Variants in ZNF423 observed in about 807,000 individuals in gnomAD.
ZNF423 encodes the protein Ebf-associated zinc finger protein.
ZNF423 carries 12 observed loss-of-function variants against 95.8 expected under a neutral mutation model. The ratio of observed to expected loss-of-function variants is 0.13; its 90% CI spans 0.08 to 0.20. ZNF423 has a LOEUF of 0.20. ZNF423 is among the 10% of genes least tolerant of loss of function. The pLI is 1.00. For missense variants in ZNF423, 1,316 were observed against 1,737.1 expected, an observed-to-expected ratio of 0.76 and a Z score of 4.31; for synonymous variants, 749 against 711.9, an observed-to-expected ratio of 1.05 and a Z score of -0.83.
intron 1 of ZNF423, among the ~76,000 whole-genome samples, chr16:49,832,631 C>T (rs945389882): frequency 1.1e-4 from 16 of 152,176 alleles, no homozygotes; most frequent in African/African-American, 3.6e-4. Context: ...GAACAGAGCA[C>T]CCGAGGGGCC....
At chr16:49,631,249 C>T (rs538810209) in intron 4 of ZNF423, among the ~76,000 whole-genome samples, 7 of 152,276 alleles carry the variant, frequency 4.6e-5, no homozygotes, top group Admixed American at 4.6e-4. Context: ...GACCCATCCC[C>T]ACACGTACCA....
intron 5 of ZNF423, among the ~76,000 whole-genome samples, chr16:49,623,326 T>C (rs1402958772): frequency 6.6e-6 from 1 of 152,164 alleles, no homozygotes; most frequent in Non-Finnish European, 1.5e-5. Context: ...CAGGCCCAAA[T>C]GCCCCTCACA....
intron 3 of ZNF423, among the ~76,000 whole-genome samples, chr16:49,646,634 G>A (rs1160379101): frequency 7.5e-5 from 11 of 147,502 alleles, no homozygotes; most frequent in South Asian, 2.1e-4. Flanking sequence ...GCAGTGGCAC[G>A]ATCTTGGCTT....
At chr16:49,531,908 T>C (rs931750486) in intron 5 of ZNF423, among the ~76,000 whole-genome samples, 2 of 152,134 alleles carry the variant, frequency 1.3e-5, no homozygotes, top group South Asian at 4.2e-4. Context: ...GTCTCAGGCC[T>C]GCCCCAGAGC....
chr16:49,758,263 C>G (rs548751075), intron 2 of ZNF423, among the ~76,000 whole-genome samples: 2 of 152,152 alleles, frequency 1.3e-5, no homozygotes, highest in Non-Finnish European at 2.9e-5. Flanking sequence ...CTCGGCCTCC[C>G]GAGTAGCTGG....
intron 3 of ZNF423, among the ~76,000 whole-genome samples, chr16:49,655,992 G>A (rs1438003105): frequency 6.6e-6 from 1 of 152,164 alleles, no homozygotes; most frequent in African/African-American, 2.4e-5. Context: ...CCAAGTGTCT[G>A]TCCCACCTCC....
chr16:49,521,511 G>A (rs186238476), intron 7 of ZNF423, among the ~76,000 whole-genome samples: 2 of 152,274 alleles, frequency 1.3e-5, no homozygotes, highest in Admixed American at 6.5e-5. Flanking sequence ...CCTAGCTGTC[G>A]CCCCACACAT....
chr16:49,696,628 G>A (rs1032944302), intron 3 of ZNF423, among the ~76,000 whole-genome samples: 7 of 152,162 alleles, frequency 4.6e-5, no homozygotes, highest in Admixed American at 2.6e-4. Context: ...GGCCACAGAG[G>A]CTGTGACGGC....
At chr16:49,852,794 T>G (rs1479411513) in intron 1 of ZNF423, among the ~76,000 whole-genome samples, 1 of 151,806 alleles carries the variant, frequency 6.6e-6, no homozygotes, top group Non-Finnish European at 1.5e-5. Flanking sequence ...CCTTCCCTAT[T>G]TACTAGGTGT....
chr16:49,832,248 T>C (rs1401884887), intron 1 of ZNF423, among the ~76,000 whole-genome samples: 1 of 152,072 alleles, frequency 6.6e-6, no homozygotes, highest in Non-Finnish European at 1.5e-5. Context: ...GATTCCAAAA[T>C]CGGGCCAAGC....
intron 1 of ZNF423, among the ~76,000 whole-genome samples, chr16:49,791,488 C>G (rs1433153987): frequency 1.3e-5 from 2 of 152,172 alleles, no homozygotes; most frequent in East Asian, 3.9e-4. Context: ...CTTACACGCA[C>G]ACATGTAAAT....
chr16:49,794,997 G>A (rs11647218), intron 1 of ZNF423, among the ~76,000 whole-genome samples: 18,118 of 151,852 alleles, frequency 0.12, 1,547 homozygotes, highest in Admixed American at 0.25. Flanking sequence ...TCAGCCTCCC[G>A]AGTAGCTGGG....
At chr16:49,703,061 C>T (rs1194913655) in intron 3 of ZNF423, among the ~76,000 whole-genome samples, 1 of 152,206 alleles carries the variant, frequency 6.6e-6, no homozygotes, top group Admixed American at 6.5e-5. Context: ...TGCACCAACA[C>T]AGGCGCGCAG....
intron 1 of ZNF423, among the ~76,000 whole-genome samples, chr16:49,821,525 C>A (rs1464420853): frequency 1.3e-5 from 2 of 152,128 alleles, no homozygotes; most frequent in Non-Finnish European, 2.9e-5. Flanking sequence ...GGGCTCGAGG[C>A]GTGGTCTGCA....
intron 7 of ZNF423, among the ~76,000 whole-genome samples, chr16:49,519,258 T>C (rs1968284914): frequency 6.6e-6 from 1 of 152,188 alleles, no homozygotes; most frequent in African/African-American, 2.4e-5. Context: ...TGTAGAGGTA[T>C]TGGTGTGAGT....
At chr16:49,804,217 G>A (rs987010135) in intron 1 of ZNF423, among the ~76,000 whole-genome samples, 3 of 152,082 alleles carry the variant, frequency 2.0e-5, no homozygotes, top group Middle Eastern at 3.2e-3. Flanking sequence ...TTACAGGCCT[G>A]AGGCACTGCG....
At chr16:49,814,152 G>GATATATATATATATTTTTTTTTTTTTTT (rs2034799234) in intron 1 of ZNF423, among the ~76,000 whole-genome samples, 1 of 152,196 alleles carries the variant, frequency 6.6e-6, no homozygotes, top group African/African-American at 2.4e-5. Flanking sequence ...GGAGACAGAA[G>GATATATATATATATTTTTTTTTTTTTTT]GCCCTGGGTC....
chr16:49,687,492 A>G (rs1458651831), intron 3 of ZNF423, among the ~76,000 whole-genome samples: 1 of 152,144 alleles, frequency 6.6e-6, no homozygotes, highest in Non-Finnish European at 1.5e-5. Flanking sequence ...GATGTGAAAG[A>G]TGCATTATGT....
intron 4 of ZNF423, 30 bp from the exon 5 acceptor site, chr16:49,626,284 G>C: frequency 6.2e-7 from 1 of 1,608,600 alleles, no homozygotes; most frequent in East Asian, 2.2e-5. Flanking sequence ...AAAAGATTTA[G>C]AGAGGCAGGA....
Sources: allele counts gnomAD v4.1 joint callset (sites outside exome capture counted in the v4.1 genomes callset), GRCh38; gene constraint gnomAD v4.1.1; transcripts MANE v1.5; gene names NCBI Gene and HGNC (gene_info 2026-07-23, HGNC 2026-07-21).